Variants in PVT1 observed in about 807,000 individuals in gnomAD.
PVT1 encodes CXCR4/PVT1 fusion.
At chr8:127,932,336 C>T in intron 3 of PVT1, 1 of 398,348 alleles carries the variant, frequency 2.5e-6, no homozygotes, top group Non-Finnish European at 4.4e-6. Context: ...CTGCCCCTCT[C>T]CTGGTAAAGG....
intron 3 of PVT1, among the ~76,000 whole-genome samples, chr8:127,953,071 G>T (rs1314313366): frequency 6.6e-6 from 1 of 152,224 alleles, no homozygotes; most frequent in African/African-American, 2.4e-5. Context: ...GCCCGTGCCT[G>T]CATTTTTCAG....
intron 3 of PVT1, among the ~76,000 whole-genome samples, chr8:127,986,516 C>G (rs1235576827): frequency 1.3e-5 from 2 of 152,200 alleles, no homozygotes; most frequent in Non-Finnish European, 2.9e-5. Context: ...GCCAGAGGGT[C>G]TGGGGGCAGC....
chr8:127,819,680 G>A (rs961310509), intron 2 of PVT1, among the ~76,000 whole-genome samples: 7 of 152,104 alleles, frequency 4.6e-5, no homozygotes, highest in African/African-American at 1.2e-4. Context: ...CCCAGCCCTC[G>A]GGAGCTCACA....
At chr8:127,930,565 G>T (rs1816193621) in intron 3 of PVT1, among the ~76,000 whole-genome samples, 1 of 152,134 alleles carries the variant, frequency 6.6e-6, no homozygotes, top group Non-Finnish European at 1.5e-5. Context: ...CTGTGCCTCA[G>T]TTTCCTCATT....
chr8:127,851,037 G>C (rs981727996), intron 2 of PVT1, among the ~76,000 whole-genome samples: 7 of 151,466 alleles, frequency 4.6e-5, no homozygotes, highest in Non-Finnish European at 8.8e-5. Context: ...AATAAAAAAA[G>C]ATAAAATGTA....
intron 2 of PVT1, among the ~76,000 whole-genome samples, chr8:127,876,353 C>T (rs1815405584): frequency 6.6e-6 from 1 of 151,498 alleles, no homozygotes; most frequent in South Asian, 2.1e-4. Flanking sequence ...GCTCTGGGGA[C>T]TCAGGTTCCC....
At chr8:128,079,140 A>T (rs1202812217) in intron 5 of PVT1, among the ~76,000 whole-genome samples, 2 of 149,588 alleles carry the variant, frequency 1.3e-5, no homozygotes, top group Admixed American at 6.7e-5. Context: ...GCTTTTATCC[A>T]TGTGGTTGTT....
At chr8:128,096,955 C>T (rs1814437170) in intron 6 of PVT1, among the ~76,000 whole-genome samples, 2 of 152,240 alleles carry the variant, frequency 1.3e-5, no homozygotes. Flanking sequence ...CATGTTTCCT[C>T]TGCCTCCCCA....
chr8:127,914,129 T>C (rs114222221), intron 3 of PVT1, among the ~76,000 whole-genome samples: 1,543 of 152,028 alleles, frequency 0.01, 20 homozygotes, highest in African/African-American at 0.034. Context: ...AGAGAAGTTA[T>C]ATAAATGGCC....
chr8:128,019,957 C>A (rs1817414530), intron 4 of PVT1, among the ~76,000 whole-genome samples: 1 of 152,204 alleles, frequency 6.6e-6, no homozygotes, highest in South Asian at 2.1e-4. Context: ...GGCAACACAT[C>A]CCTTTGCTCT....
At chr8:128,041,138 ATG>A (rs201932420) in intron 4 of PVT1, among the ~76,000 whole-genome samples, 4,118 of 145,080 alleles carry the variant, frequency 0.028, 187 homozygotes, top group African/African-American at 0.099. Context: ...ATGTGTGTGC[ATG>A]TGTGTTTCTG....
At chr8:127,919,800 G>T (rs1030881903) in intron 3 of PVT1, among the ~76,000 whole-genome samples, 2 of 152,324 alleles carry the variant, frequency 1.3e-5, no homozygotes, top group Admixed American at 1.3e-4. Flanking sequence ...CCAAGCCCTC[G>T]CATGCAGGCC....
intron 5 of PVT1, among the ~76,000 whole-genome samples, chr8:128,085,689 A>C (rs1814247570): frequency 6.6e-6 from 1 of 152,258 alleles, no homozygotes; most frequent in Non-Finnish European, 1.5e-5. Context: ...ACTAAGAAAG[A>C]AACAAATGCT....
At chr8:127,886,539 TTCTATTGGCC>T (rs1275700112) in intron 2 of PVT1, among the ~76,000 whole-genome samples, 1 of 152,194 alleles carries the variant, frequency 6.6e-6, no homozygotes, top group Non-Finnish European at 1.5e-5. Flanking sequence ...ATTAAATAAT[TTCTATTGGCC>T]TCTCCTCAAA....
chr8:128,061,472 G>T (rs1306031702), intron 4 of PVT1, among the ~76,000 whole-genome samples: 1 of 152,206 alleles, frequency 6.6e-6, no homozygotes. Flanking sequence ...GTTCGTACAA[G>T]ACTTCGTATG....
intron 4 of PVT1, among the ~76,000 whole-genome samples, chr8:128,019,124 G>A (rs530360307): frequency 4.9e-4 from 75 of 152,334 alleles, no homozygotes; most frequent in Non-Finnish European, 7.8e-4. Flanking sequence ...GAGCCACTGC[G>A]TCTGGACCAG....
chr8:128,098,834 G>A (rs1055177745), intron 6 of PVT1, among the ~76,000 whole-genome samples: 1 of 152,078 alleles, frequency 6.6e-6, no homozygotes, highest in African/African-American at 2.4e-5. Context: ...GGACCCCCAG[G>A]GATCCTGGCC....
chr8:127,926,766 T>A (rs1488041884), intron 3 of PVT1, among the ~76,000 whole-genome samples: 1 of 152,126 alleles, frequency 6.6e-6, no homozygotes, highest in East Asian at 1.9e-4. Context: ...CTTTCCTGAG[T>A]CCCCTCTGAT....
At chr8:127,892,531 C>G (rs1815624342) in intron 3 of PVT1, among the ~76,000 whole-genome samples, 1 of 152,180 alleles carries the variant, frequency 6.6e-6, no homozygotes, top group African/African-American at 2.4e-5. Context: ...ATGGTTTATC[C>G]ATTATACAGT....
Sources: gnomAD v4.1 joint callset for allele counts (sites outside exome capture counted in the v4.1 genomes callset) on GRCh38, gnomAD v4.1.1 for gene constraint, MANE v1.5 for transcripts, NCBI Gene and HGNC (gene_info 2026-07-23, HGNC 2026-07-21) for gene names.